C5orf52: variants seen among roughly 807,000 people sequenced by gnomAD.
C5orf52 encodes chromosome 5 open reading frame 52.
In C5orf52, 15 loss-of-function variants were observed where a neutral mutation model predicts 16.8. The ratio of observed to expected loss-of-function variants is 0.89; its 90% CI spans 0.60 to 1.38. C5orf52 has a LOEUF of 1.38. Among genes scored for constraint, C5orf52 ranks in the 40% most tolerant of loss-of-function variants. The pLI, the probability that C5orf52 is intolerant of heterozygous loss-of-function variation, is 0.00. For synonymous variants in C5orf52, 83 were observed against 87.2 expected (o/e 0.95, Z 0.27); for missense variants, 206 against 213.1 (o/e 0.97, Z 0.21).
At chr5:157,677,397 G>A (rs1759915874) in intron 2 of C5orf52, among the ~76,000 whole-genome samples, 1 of 152,090 alleles carries the variant, frequency 6.6e-6, no homozygotes, top group Non-Finnish European at 1.5e-5. Flanking sequence ...AAGCCAGGGT[G>A]GTGGCTCACG....
upstream of C5orf52, chr5:157,671,293 TC>T: frequency 2.9e-6 from 1 of 343,480 alleles, no homozygotes; most frequent in Non-Finnish European, 5.3e-6. Context: ...GTCACTGCAG[TC>T]CCCACGTCGA....
upstream of C5orf52, chr5:157,671,457 C>A (rs114950542): frequency 4.3e-3 from 2,684 of 627,678 alleles, 55 homozygotes; most frequent in African/African-American, 0.044. Flanking sequence ...CAACAGCCCC[C>A]GTCCCCTTCC....
intron 2 of C5orf52, 122 bp downstream of exon 2, chr5:157,675,322 AG>A: frequency 1.6e-6 from 1 of 631,232 alleles, no homozygotes; most frequent in East Asian, 2.8e-5. Context: ...GCTCTAAGGC[AG>A]GCCCCATTTT....
At chr5:157,675,563 G>T (rs1759878154) in intron 2 of C5orf52, among the ~76,000 whole-genome samples, 1 of 152,034 alleles carries the variant, frequency 6.6e-6, no homozygotes, top group Non-Finnish European at 1.5e-5. Context: ...CAGCACTTTG[G>T]GAGGCTGAGG....
At chr5:157,678,560 G>A (rs1051408235) in intron 2 of C5orf52, among the ~76,000 whole-genome samples, 11 of 152,166 alleles carry the variant, frequency 7.2e-5, no homozygotes, top group African/African-American at 2.2e-4. Context: ...GGGTTCAAGC[G>A]ATTCTTGTGC....
At chr5:157,676,225 A>G (rs1481156353) in intron 2 of C5orf52, among the ~76,000 whole-genome samples, 1 of 152,128 alleles carries the variant, frequency 6.6e-6, no homozygotes. Flanking sequence ...GGCATGCACC[A>G]CTACGCCCGT....
At position 157,671,717 on chromosome 5, in the gene C5orf52, T is replaced by C. The variant is rs201269817; in HGVS notation, c.103T>C (p.Ser35Pro). 453 of 1,551,326 alleles carry C rather than the reference T, an allele frequency of 2.9e-4. No individual in the cohort carries two copies. The highest frequency in any genetic ancestry group is 7.6e-4 in the South Asian group (64 of 84,052). ...ATTSSSATSG[S>P]NYQRDRLGRR... ...CACCAGTTCCAGCGCCACCTCGGGTTCGAACTACCAGCGCGATAGACTCGG... is the reference window on the plus strand; with the variant it reads ...CACCAGTTCCAGCGCCACCTCGGGTCCGAACTACCAGCGCGATAGACTCGG... The change falls in exon 1 of 3, where the codon TCG becomes CCG. Residue 35 changes from serine (S) to proline (P), a missense_variant. Physicochemically the swap from Ser to Pro is moderately conservative, Grantham distance 74 (BLOSUM62 -1). Transcript: ENST00000409999.
At chr5:157,671,458 G>C, upstream of C5orf52, 1 of 627,524 alleles carries the variant, frequency 1.6e-6, no homozygotes, top group Non-Finnish European at 2.8e-6. Flanking sequence ...AACAGCCCCC[G>C]TCCCCTTCCC....
chr5:157,675,063 C>T, intron 1 of C5orf52, 29 bp from the exon 2 acceptor site: 1 of 1,466,836 alleles, frequency 6.8e-7, no homozygotes, highest in Non-Finnish European at 9.3e-7. Flanking sequence ...CCGTCTGTAA[C>T]CTGTGCCACC....
chr5:157,672,048 C>G (rs1478456096), intron 1 of C5orf52, among the ~76,000 whole-genome samples: 2 of 152,152 alleles, frequency 1.3e-5, no homozygotes, highest in African/African-American at 4.8e-5. Flanking sequence ...AACCTGGAAT[C>G]CCCATCTCCA....
At chr5:157,674,752 T>C (rs1759863896) in intron 1 of C5orf52, among the ~76,000 whole-genome samples, 2 of 151,700 alleles carry the variant, frequency 1.3e-5, no homozygotes, top group African/African-American at 4.8e-5. Context: ...GGAGACAGAG[T>C]GAAACTCCGC....
intron 1 of C5orf52, among the ~76,000 whole-genome samples, chr5:157,674,060 A>T (rs974317982): frequency 6.6e-6 from 1 of 152,166 alleles, no homozygotes; most frequent in African/African-American, 2.4e-5. Context: ...AAGTGTATCC[A>T]CTTTTCACCA....
intron 1 of C5orf52, 136 bp from the exon 2 acceptor site, chr5:157,674,956 G>GA (rs1210573483): frequency 5.0e-6 from 3 of 602,928 alleles, no homozygotes; most frequent in Non-Finnish European, 6.0e-6. Flanking sequence ...CTGTTCTTTT[G>GA]AAAATTATGA....
rs564757051 is a variant in C5orf52, at chr5:157,679,502, A to C, written c.322-339A>C. ...CAGGTGCCTACCACCATGCTTGGCT[A>C]ATCTTTGTATTTTCAGCGGAGACAG... is the stretch of plus-strand genomic sequence containing the variant. On this transcript the variant is annotated intron_variant, in intron 2 of 2. Transcript: ENST00000409999. Among the ~76,000 whole-genome samples, 191 of 152,086 alleles carry C rather than the reference A, an allele frequency of 1.3e-3. 1 individual carries two copies. The highest frequency in any genetic ancestry group is 4.0e-3 in the African/African-American group (168 of 41,514).
chr5:157,672,406 A>C lies in C5orf52; in HGVS notation c.212+580A>C, dbSNP rs78943769. ...CTTGAGGTGGAAAGCAATTTGGTTC[A>C]AAATGACCTTTATTACTTGAAAGGG... On this transcript the variant is annotated intron_variant, in intron 1 of 2. Coordinates refer to ENST00000409999, the MANE Select transcript of C5orf52 (RefSeq NM_001145132.2). Among the ~76,000 whole-genome samples, 362 of 152,278 alleles carry C rather than the reference A, an allele frequency of 2.4e-3. 3 individuals are homozygous for C. Among genetic ancestry groups the C allele is most frequent in the African/African-American group, 8.4e-3 (350 of 41,574 alleles).
rs537212200 is a variant in C5orf52, at chr5:157,674,166, G to A, written c.213-926G>A. On this transcript the variant is annotated intron_variant, in intron 1 of 2. Coordinates refer to ENST00000409999, the MANE Select transcript of C5orf52 (RefSeq NM_001145132.2). Reference sequence around the variant, plus strand: ...CATCTTTCACCTCTCACCTTTCAGAGTCTCCTAAAACCCCTAGCCACCCCA... The same window carrying A: ...CATCTTTCACCTCTCACCTTTCAGAATCTCCTAAAACCCCTAGCCACCCCA... Among the ~76,000 whole-genome samples the A allele has an allele frequency of 2.6e-5, 4 of 151,608 alleles. No individual in the cohort carries two copies. The East Asian group carries it at 7.7e-4, about 29-fold the overall frequency.
intron 2 of C5orf52, among the ~76,000 whole-genome samples, chr5:157,678,668 C>T (rs1759952639): frequency 6.6e-6 from 1 of 152,034 alleles, no homozygotes; most frequent in Non-Finnish European, 1.5e-5. Flanking sequence ...CCCATGTTGG[C>T]CAGGCTGATC....
intron 2 of C5orf52, among the ~76,000 whole-genome samples, 159 bp downstream of exon 2, chr5:157,675,359 G>T (rs937479711): frequency 6.6e-6 from 1 of 152,142 alleles, no homozygotes; most frequent in African/African-American, 2.4e-5. Context: ...GATACTCGGG[G>T]TTACTGACTT....
At position 157,671,548 on chromosome 5, in the gene C5orf52, G is replaced by C; in HGVS notation, c.-67G>C. 7.4e-7 allele frequency: 1 copy of C among 1,345,718 alleles called. No individual in the cohort carries two copies. Among genetic ancestry groups the C allele is most frequent in the Non-Finnish European group, 1.0e-6 (1 of 986,200 alleles). The allele number at this position is 1,345,718 out of a possible 1,614,324, so 83.4% of individuals were successfully genotyped here. On this transcript the variant is annotated 5_prime_UTR_variant, in exon 1 of 3. Transcript: ENST00000409999. ...CCAGGGACTCACTCCGCGTCAGCGCGCGCCCACCTAGGTGGGCTGGCAACC... is the reference window on the plus strand; with the variant it reads ...CCAGGGACTCACTCCGCGTCAGCGCCCGCCCACCTAGGTGGGCTGGCAACC...
Sources: allele counts gnomAD v4.1 joint callset (sites outside exome capture counted in the v4.1 genomes callset), GRCh38; gene constraint gnomAD v4.1.1; transcripts MANE v1.5; gene names NCBI Gene and HGNC (gene_info 2026-07-23, HGNC 2026-07-21).